Variants in NF2 observed in about 807,000 individuals in gnomAD.
NF2 encodes the protein NF2, moesin-ezrin-radixin like (MERLIN) tumor suppressor, also known as merlin.
In NF2, 8 loss-of-function variants were observed where a neutral mutation model predicts 83.7. That is an observed-to-expected ratio of 0.10 (90% CI 0.06 to 0.17). The LOEUF (loss-of-function observed/expected upper bound fraction) is 0.17. NF2 is among the 10% of genes least tolerant of loss of function. The probability of loss-of-function intolerance (pLI) is 1.00; values close to 1 mark genes in which losing one functional copy is unlikely to be tolerated. For missense variants in NF2, 533 were observed against 744.4 expected, an observed-to-expected ratio of 0.72 and a Z score of 3.31; for synonymous variants, 266 against 269.6, an observed-to-expected ratio of 0.99 and a Z score of 0.13.
intron 2 of NF2, among the ~76,000 whole-genome samples, chr22:29,637,950 C>T (rs1440616329): frequency 6.6e-6 from 1 of 152,148 alleles, no homozygotes; most frequent in Non-Finnish European, 1.5e-5. Context: ...GACAGCAAAA[C>T]TTTTTGTATG....
chr22:29,636,951 C>T lies in NF2; in HGVS notation c.240+75C>T. 1 of 1,602,826 alleles carries T rather than the reference C, an allele frequency of 6.2e-7. No homozygotes were observed. The highest frequency in any genetic ancestry group is 8.5e-7 in the Non-Finnish European group (1 of 1,171,454). On this transcript the variant is annotated intron_variant, in intron 2 of 15. Transcript: ENST00000338641. This position sits in a 1 kb window ranked among gnomAD's most constrained non-coding sequence, Gnocchi z 4.4. Reference sequence around the variant, plus strand: ...TTTTTCCCTGAGCAGGCGCCTAGCTCATCACTGGGGCGCTGTAGCTGTATA... The same window carrying T: ...TTTTTCCCTGAGCAGGCGCCTAGCTTATCACTGGGGCGCTGTAGCTGTATA...
rs35386801 is a variant in NF2 at position 29,664,371 on chromosome 22, C to CCACA, written c.811-586_811-583dup. On this transcript the variant is annotated intron_variant, in intron 8 of 15. Coordinates refer to ENST00000338641, the MANE Select transcript of NF2 (RefSeq NM_000268.4). ...CATCTTAGTCACCAAAAAGCTAATA[C>CCACA]CACACACACACACACACACACACAC... 9.8e-3 allele frequency among the ~76,000 whole-genome samples: 1,440 copies of CCACA among 146,428 alleles called. 9 individuals carry two copies. The highest frequency in any genetic ancestry group is 0.023 in the African/African-American group (909 of 39,676).
intron 8 of NF2, among the ~76,000 whole-genome samples, chr22:29,661,833 G>T (rs2066487063): frequency 6.6e-6 from 1 of 152,048 alleles, no homozygotes; most frequent in African/African-American, 2.4e-5. Context: ...TCTGTGTCCG[G>T]TGCTTGATAC....
intron 15 of NF2, among the ~76,000 whole-genome samples, chr22:29,693,864 G>A (rs1356848560): frequency 1.3e-5 from 2 of 152,190 alleles, no homozygotes; most frequent in Non-Finnish European, 2.9e-5. Context: ...GGGAAGTCCC[G>A]GAGCTGGAAA....
rs1029459279 is a variant in NF2, at chr22:29,686,809, G to A, written c.1737+5208G>A. Among the ~76,000 whole-genome samples the A allele has an allele frequency of 4.6e-5, 7 of 152,218 alleles. 1 individual carries two copies. In the East Asian group the frequency reaches 1.4e-3, roughly 29 times the overall value. ...GTTTGCCATTTGCATCTGAGTCAGA[G>A]CAGTGCTAGCGATCAAAAGCCGCCC... On this transcript the variant is annotated intron_variant, in intron 15 of 15. Coordinates refer to ENST00000338641, the MANE Select transcript of NF2 (RefSeq NM_000268.4).
chr22:29,664,087 G>T (rs969847883), intron 8 of NF2, among the ~76,000 whole-genome samples: 4 of 152,108 alleles, frequency 2.6e-5, no homozygotes, highest in African/African-American at 9.7e-5. Flanking sequence ...GGTGAGCTCA[G>T]GTATCCTGTC....
Position 29,696,394 on chromosome 22 carries a change from T to C in NF2, c.*1592T>C. 4.5e-6 allele frequency: 1 copy of C among 223,834 alleles called. No homozygotes were observed. The highest frequency in any genetic ancestry group is 8.9e-6 in the Non-Finnish European group (1 of 112,050). 13.9% of individuals were successfully genotyped at this position (223,834 alleles called of 1,614,324 possible). A position where few individuals can be genotyped will look rare whatever the true frequency, so the allele number is the denominator to read the frequency against. ...ATGCTGCTGTGGCCAGCCAGGGCCC[T>C]TGAGATCCTTCCAGTTTGGCTGTTA... On this transcript the variant is annotated 3_prime_UTR_variant, in exon 16 of 16. Coordinates refer to ENST00000338641, the MANE Select transcript of NF2 (RefSeq NM_000268.4).
At chr22:29,621,449 GGTT>G (rs1445909718) in intron 1 of NF2, among the ~76,000 whole-genome samples, 1 of 152,034 alleles carries the variant, frequency 6.6e-6, no homozygotes, top group Non-Finnish European at 1.5e-5. Context: ...TATATATAAT[GGTT>G]GTTACCTAAA....
intron 8 of NF2, among the ~76,000 whole-genome samples, chr22:29,663,432 A>G (rs1253230074): frequency 2.0e-5 from 3 of 152,238 alleles, no homozygotes; most frequent in Admixed American, 2.0e-4. Flanking sequence ...CTTGACATAA[A>G]AGAAGTAGTC....
At chr22:29,639,068 C>G (rs2146869047) in intron 2 of NF2, 22 bp from the exon 3 acceptor site, 2 of 1,614,192 alleles carry the variant, frequency 1.2e-6, no homozygotes, top group Non-Finnish European at 1.7e-6. Flanking sequence ...GTGTGTTTGT[C>G]TTTTGCTCTG....
intron 3 of NF2, among the ~76,000 whole-genome samples, chr22:29,639,662 A>C (rs1029130349): frequency 1.3e-5 from 2 of 152,018 alleles, no homozygotes; most frequent in African/African-American, 4.8e-5. Context: ...AGGCGGGCAG[A>C]TCACAAGGTC....
rs1411035774 is a variant in NF2, at chr22:29,636,993, A to G, written c.240+117A>G. On this transcript the variant is annotated intron_variant, in intron 2 of 15. Transcript: ENST00000338641. The surrounding 1 kb of genome is among the most constrained non-coding windows in gnomAD (Gnocchi z 4.4). ...AGCTGTATAGTAGAGAAGGGGGCACATTCCTGAATTAAGTCATGCAGAAAG... is the reference window on the plus strand; with the variant it reads ...AGCTGTATAGTAGAGAAGGGGGCACGTTCCTGAATTAAGTCATGCAGAAAG... The G allele has an allele frequency of 1.4e-6, 2 of 1,443,606 alleles. No individual in the cohort carries two copies. The highest frequency in any genetic ancestry group is 1.9e-6 in the Non-Finnish European group (2 of 1,029,060). The allele number at this position is 1,443,606 out of a possible 1,614,324, so 89.4% of individuals were successfully genotyped here.
intron 4 of NF2, among the ~76,000 whole-genome samples, chr22:29,651,743 T>C (rs2245185): frequency 0.36 from 55,294 of 152,072 alleles, 10,972 homozygotes; most frequent in Non-Finnish European, 0.47. Context: ...AAATGTGATG[T>C]ATTTGATCAG....
chr22:29,687,978 A>C (rs1569315983), intron 15 of NF2, among the ~76,000 whole-genome samples: 1 of 152,172 alleles, frequency 6.6e-6, no homozygotes, highest in Non-Finnish European at 1.5e-5. Context: ...CCCGGATGGG[A>C]CACCTTGGGC....
chr22:29,695,203 C>G lies in NF2; in HGVS notation c.*401C>G, dbSNP rs1415334046. 11 of 394,660 alleles carry G rather than the reference C, an allele frequency of 2.8e-5. No individual in the cohort carries two copies. The South Asian group carries it at 3.0e-4, about 11-fold the overall frequency. 24.4% of individuals were successfully genotyped at this position (394,660 alleles called of 1,614,324 possible). On this transcript the variant is annotated 3_prime_UTR_variant, in exon 16 of 16. Coordinates refer to ENST00000338641, the MANE Select transcript of NF2 (RefSeq NM_000268.4). The surrounding 1 kb of genome is among the most constrained non-coding windows in gnomAD (Gnocchi z 5.4). ...GCCCTGAGAAGCCAGTGCCATCATC[C>G]CCACCCCGCCCAGGGTTCCGGAACA...
chr22:29,644,343 C>T (rs1569286311), intron 4 of NF2, among the ~76,000 whole-genome samples: 1 of 151,602 alleles, frequency 6.6e-6, no homozygotes, highest in Non-Finnish European at 1.5e-5. Flanking sequence ...CAGAGACGCT[C>T]CTCACTTCCT....
chr22:29,692,574 C>T (rs922147570), intron 15 of NF2, among the ~76,000 whole-genome samples: 1 of 152,208 alleles, frequency 6.6e-6, no homozygotes, highest in East Asian at 1.9e-4. Flanking sequence ...AGGAGCCTCT[C>T]AAGGCCCCCA....
chr22:29,694,458 G>T lies in NF2; in HGVS notation c.1738-294G>T, dbSNP rs1043296356. Among the ~76,000 whole-genome samples, 1 of 152,202 alleles carries T rather than the reference G, an allele frequency of 6.6e-6. No homozygotes were observed. Among genetic ancestry groups the T allele is most frequent in the African/African-American group, 2.4e-5 (1 of 41,452 alleles). On this transcript the variant is annotated intron_variant, in intron 15 of 15. Coordinates refer to ENST00000338641, the MANE Select transcript of NF2 (RefSeq NM_000268.4). This position sits in a 1 kb window ranked among gnomAD's most constrained non-coding sequence, Gnocchi z 4.1. ...GGAATGTGAGAATCTATTAAAATAG[G>T]CAGGGATCTCCGGTCCTCTGTCAAG...
Position 29,698,530 on chromosome 22 carries a change from G to A in NF2, c.*3728G>A, listed in dbSNP as rs2067615858. The A allele has an allele frequency of 5.0e-6, 1 of 198,934 alleles. No homozygotes were observed. The highest frequency in any genetic ancestry group is 7.7e-5 in the East Asian group (1 of 12,964). The allele number at this position is 198,934 out of a possible 1,614,324, so 12.3% of individuals were successfully genotyped here. ...TCCTATCAGGGCCAGATCATAGAAG[G>A]CTATTTTCTATTCTGGGGAACGATT... On this transcript the variant is annotated 3_prime_UTR_variant, in exon 16 of 16. Transcript: ENST00000338641.
Sources: gnomAD v4.1 joint callset for allele counts (sites outside exome capture counted in the v4.1 genomes callset) on GRCh38, gnomAD v4.1.1 for gene constraint, Gnocchi (gnomAD v3.1) non-coding constraint, MANE v1.5 for transcripts, NCBI Gene and HGNC (gene_info 2026-07-23, HGNC 2026-07-21) for gene names.